The following LRCH1 variants were observed in gnomAD, a reference collection of about 807,000 sequenced individuals.
The protein encoded by LRCH1 is leucine rich repeats and calponin homology domain containing 1, also known as leucine-rich repeat and calponin homology domain-containing protein 1.
A neutral mutation model predicts 94.9 loss-of-function variants in LRCH1; 23 were observed. The observed-to-expected ratio is 0.24, with a 90% CI of 0.17 to 0.34. LRCH1 has a LOEUF of 0.34. LRCH1 is among the 10% of genes least tolerant of loss of function. The pLI, the probability that LRCH1 is intolerant of heterozygous loss-of-function variation, is 1.00. For missense variants in LRCH1, 790 were observed against 945.9 expected (o/e 0.84, Z 2.16); for synonymous variants, 364 against 354.9 (o/e 1.03, Z -0.29).
intron 1 of LRCH1, among the ~76,000 whole-genome samples, chr13:46,561,797 G>A (rs974849507): frequency 2.0e-5 from 3 of 152,038 alleles, no homozygotes; most frequent in Admixed American, 2.0e-4. Context: ...GGATTCTACT[G>A]ACCCCACTCT....
At position 46,666,100 on chromosome 13, in the gene LRCH1, G is replaced by T. The variant is rs563006660; in HGVS notation, c.453-2930G>T. On this transcript the variant is annotated intron_variant, in intron 2 of 19. Transcript: ENST00000389797. Reference sequence around the variant, plus strand: ...AGTCGAAGAAATGTGCCCCAGGTCTGTGGCCTGCTGTACGGTGACTAAATT... The same window carrying T: ...AGTCGAAGAAATGTGCCCCAGGTCTTTGGCCTGCTGTACGGTGACTAAATT... Among the ~76,000 whole-genome samples, 4 of 152,324 alleles carry T rather than the reference G, an allele frequency of 2.6e-5. No individual in the cohort carries two copies. In the East Asian group the frequency reaches 5.8e-4, roughly 22 times the overall value.
intron 2 of LRCH1, among the ~76,000 whole-genome samples, chr13:46,667,123 C>G (rs1230453976): frequency 6.6e-6 from 1 of 152,196 alleles, no homozygotes; most frequent in Admixed American, 6.5e-5. Context: ...AAATCTGCCT[C>G]TTTCTGGAAA....
chr13:46,593,983 T>G (rs942224279), intron 1 of LRCH1, among the ~76,000 whole-genome samples: 2 of 152,206 alleles, frequency 1.3e-5, no homozygotes, highest in Admixed American at 6.5e-5. Flanking sequence ...CTATAGCCAC[T>G]GTTGAATGCA....
At position 46,708,950 on chromosome 13, in the gene LRCH1, G is replaced by C. The variant is rs542650535; in HGVS notation, c.1528-2841G>C. 2.9e-3 allele frequency among the ~76,000 whole-genome samples: 437 copies of C among 152,298 alleles called. 3 individuals carry two copies. The highest frequency in any genetic ancestry group is 0.01 in the African/African-American group (425 of 41,550). ...AGTGAGTAGTTCGTGAGGATTCCTG[G>C]AAGGGAGGGAAGAAGAGAGGGAGAG... On this transcript the variant is annotated intron_variant, in intron 13 of 19. Transcript: ENST00000389797.
chr13:46,553,616 G>C lies in LRCH1; in HGVS notation c.220G>C (p.Gly74Arg). 6.3e-7 allele frequency: 1 copy of C among 1,576,660 alleles called. No individual in the cohort carries two copies. Among genetic ancestry groups the C allele is most frequent in the Non-Finnish European group, 8.6e-7 (1 of 1,162,248 alleles). ...ERALEEAANS[G>R]GLNLSARKLK... is the part of the protein sequence containing the mutation. The stretch of plus-strand genomic sequence containing the variant: ...CGCGCTTGAGGAGGCGGCCAACTCC[G>C]GGGGGCTGAACCTGAGCGCCAGGAA... The change falls in exon 1 of 20, where the codon GGG becomes CGG. Residue 74 changes from glycine to arginine, a missense_variant. Coordinates refer to ENST00000389797, the MANE Select transcript of LRCH1 (RefSeq NM_001164211.2).
intron 2 of LRCH1, among the ~76,000 whole-genome samples, chr13:46,650,722 CAAAA>C (rs756410319): frequency 6.9e-5 from 4 of 58,216 alleles, no homozygotes; most frequent in Non-Finnish European, 1.2e-4. Context: ...AAACAAGGAG[CAAAA>C]AAAAAAAAAA....
intron 1 of LRCH1, among the ~76,000 whole-genome samples, chr13:46,558,305 T>A (rs1258765462): frequency 6.6e-6 from 1 of 151,964 alleles, no homozygotes; most frequent in Non-Finnish European, 1.5e-5. Context: ...AAAAGGTCAT[T>A]TTCATGAGGA....
chr13:46,565,354 T>C (rs2050171116), intron 1 of LRCH1, among the ~76,000 whole-genome samples: 1 of 152,156 alleles, frequency 6.6e-6, no homozygotes, highest in Non-Finnish European at 1.5e-5. Flanking sequence ...GATGGTAGCA[T>C]AGGTGGTATT....
chr13:46,739,670 C>T (rs1377610465), intron 19 of LRCH1, among the ~76,000 whole-genome samples: 1 of 152,184 alleles, frequency 6.6e-6, no homozygotes, highest in African/African-American at 2.4e-5. Flanking sequence ...GCAGCTCACA[C>T]TCCACACAAT....
chr13:46,702,445 C>T (rs1222274178), intron 11 of LRCH1, among the ~76,000 whole-genome samples: 2 of 151,922 alleles, frequency 1.3e-5, no homozygotes, highest in African/African-American at 4.8e-5. Flanking sequence ...GAGGTTGCAG[C>T]GAGCCGAGAT....
At chr13:46,605,748 T>C (rs1175958674) in intron 1 of LRCH1, among the ~76,000 whole-genome samples, 1 of 152,224 alleles carries the variant, frequency 6.6e-6, no homozygotes, top group Non-Finnish European at 1.5e-5. Flanking sequence ...TGGGTTTTCT[T>C]TTCTCTTTCA....
chr13:46,703,166 A>G (rs966573529), intron 11 of LRCH1, among the ~76,000 whole-genome samples: 20 of 152,336 alleles, frequency 1.3e-4, no homozygotes, highest in African/African-American at 3.6e-4. Flanking sequence ...GTATCCATGC[A>G]TGTGTATGGT....
intron 1 of LRCH1, among the ~76,000 whole-genome samples, chr13:46,629,081 C>T (rs988910484): frequency 4.6e-5 from 7 of 152,160 alleles, no homozygotes; most frequent in African/African-American, 1.7e-4. Flanking sequence ...TCTCAGAGGG[C>T]CTTTCCCAAG....
At chr13:46,637,445 T>C (rs1422668516) in intron 1 of LRCH1, among the ~76,000 whole-genome samples, 2 of 152,236 alleles carry the variant, frequency 1.3e-5, no homozygotes, top group African/African-American at 2.4e-5. Flanking sequence ...GCCTACTCCA[T>C]GACCTCATTG....
intron 4 of LRCH1, among the ~76,000 whole-genome samples, chr13:46,684,682 T>C (rs139128967): frequency 2.4e-4 from 36 of 152,278 alleles, no homozygotes; most frequent in African/African-American, 8.4e-4. Context: ...GGATCTTGCT[T>C]TTCCTATTGT....
intron 18 of LRCH1, among the ~76,000 whole-genome samples, chr13:46,732,701 G>T (rs763571614): frequency 2.0e-5 from 3 of 152,188 alleles, no homozygotes; most frequent in African/African-American, 7.2e-5. Context: ...GTCTTGGCGT[G>T]ATGAAATGCC....
At chr13:46,615,301 G>A (rs1448560613) in intron 1 of LRCH1, among the ~76,000 whole-genome samples, 1 of 152,108 alleles carries the variant, frequency 6.6e-6, no homozygotes. Context: ...CAAGACACAC[G>A]GCGAAAGAGG....
chr13:46,662,109 G>A (rs1385855001), intron 2 of LRCH1, among the ~76,000 whole-genome samples: 1 of 152,144 alleles, frequency 6.6e-6, no homozygotes, highest in East Asian at 1.9e-4. Flanking sequence ...TACTCAGGAG[G>A]TTGAGGCAGG....
chr13:46,654,255 G>A (rs375669568), intron 2 of LRCH1, among the ~76,000 whole-genome samples: 1 of 152,338 alleles, frequency 6.6e-6, no homozygotes, highest in South Asian at 2.1e-4. Flanking sequence ...TGGTAAGCAG[G>A]AGGGACTCAG....
Sources: allele counts gnomAD v4.1 joint callset (sites outside exome capture counted in the v4.1 genomes callset), GRCh38; gene constraint gnomAD v4.1.1; transcripts MANE v1.5; gene names NCBI Gene and HGNC (gene_info 2026-07-23, HGNC 2026-07-21).